DCC: variants seen among roughly 807,000 people sequenced by gnomAD.
The protein encoded by DCC is DCC netrin 1 receptor, also known as netrin receptor DCC.
In DCC, 58 loss-of-function variants were observed where a neutral mutation model predicts 172.5. The ratio of observed to expected loss-of-function variants is 0.34; its 90% CI spans 0.27 to 0.42. The LOEUF (loss-of-function observed/expected upper bound fraction) is 0.42, where lower values mean the gene tolerates loss of function less well. DCC is among the 10% of genes least tolerant of loss of function. The pLI is 1.00. For synonymous variants in DCC, 709 were observed against 644.5 expected (o/e 1.10, Z -1.52); for missense variants, 1,740 against 1,791.0 (o/e 0.97, Z 0.51).
At chr18:53,147,507 T>G (rs1175460084) in intron 7 of DCC, among the ~76,000 whole-genome samples, 1 of 152,244 alleles carries the variant, frequency 6.6e-6, no homozygotes, top group African/African-American at 2.4e-5. Context: ...CCTCTTTTAT[T>G]TGCTTCATTT....
intron 5 of DCC, among the ~76,000 whole-genome samples, chr18:52,974,744 A>G (rs2041089152): frequency 6.6e-6 from 1 of 152,212 alleles, no homozygotes; most frequent in African/African-American, 2.4e-5. Flanking sequence ...TTTTAAAACA[A>G]AACCAAGAGA....
intron 1 of DCC, among the ~76,000 whole-genome samples, chr18:52,572,182 A>AC (rs1269505742): frequency 2.6e-5 from 4 of 152,146 alleles, no homozygotes; most frequent in Admixed American, 6.5e-5. Context: ...TTTTGCAGAC[A>AC]CCCAGCGCCT....
intron 2 of DCC, among the ~76,000 whole-genome samples, chr18:52,781,514 A>G (rs1465127239): frequency 6.6e-6 from 1 of 152,170 alleles, no homozygotes; most frequent in Non-Finnish European, 1.5e-5. Context: ...GGAGTTTCTC[A>G]CTTAGAGGAG....
At chr18:53,325,787 C>T (rs144110235) in intron 14 of DCC, among the ~76,000 whole-genome samples, 434 of 152,146 alleles carry the variant, frequency 2.9e-3, no homozygotes, top group African/African-American at 9.9e-3. Flanking sequence ...AAGAATTTAC[C>T]GTGTGCTGAA....
intron 1 of DCC, among the ~76,000 whole-genome samples, chr18:52,558,601 G>A (rs762895736): frequency 5.3e-5 from 8 of 152,074 alleles, no homozygotes; most frequent in Non-Finnish European, 1.2e-4. Context: ...CTAGAAACTT[G>A]GTGAGGTCAG....
intron 7 of DCC, among the ~76,000 whole-genome samples, chr18:53,078,547 T>C (rs927613028): frequency 6.6e-6 from 1 of 152,122 alleles, no homozygotes; most frequent in Non-Finnish European, 1.5e-5. Flanking sequence ...CCTTCACTTA[T>C]TGTTCTATTT....
chr18:52,772,355 T>C (rs1160308900), intron 2 of DCC, among the ~76,000 whole-genome samples: 2 of 152,254 alleles, frequency 1.3e-5, no homozygotes, highest in African/African-American at 2.4e-5. Flanking sequence ...ACCAGCAATT[T>C]ATTTTTCAGA....
intron 5 of DCC, among the ~76,000 whole-genome samples, chr18:53,015,456 A>G (rs1021479918): frequency 1.3e-5 from 2 of 152,136 alleles, no homozygotes; most frequent in African/African-American, 4.8e-5. Flanking sequence ...ATGTAGACTA[A>G]CCTTCAGTTG....
intron 1 of DCC, among the ~76,000 whole-genome samples, chr18:52,717,300 A>G (rs2036398372): frequency 6.6e-6 from 1 of 152,152 alleles, no homozygotes; most frequent in South Asian, 2.1e-4. Context: ...AACCTTTAAA[A>G]CAGCATGCAT....
At chr18:53,302,894 C>T (rs1249903950) in intron 12 of DCC, among the ~76,000 whole-genome samples, 1 of 152,156 alleles carries the variant, frequency 6.6e-6, no homozygotes, top group Non-Finnish European at 1.5e-5. Flanking sequence ...TGGATCCCCT[C>T]CCCACTCTCC....
At chr18:53,389,695 C>T (rs568168317) in intron 16 of DCC, among the ~76,000 whole-genome samples, 43 of 152,216 alleles carry the variant, frequency 2.8e-4, no homozygotes, top group African/African-American at 9.9e-4. Flanking sequence ...GTAAGTCCAT[C>T]AAGAAATACC....
intron 2 of DCC, among the ~76,000 whole-genome samples, chr18:52,773,842 A>T (rs8082917): frequency 0.029 from 4,403 of 151,664 alleles, 219 homozygotes; most frequent in African/African-American, 0.1. Context: ...ATATATATAT[A>T]TTTTTTAAAG....
intron 1 of DCC, among the ~76,000 whole-genome samples, chr18:52,728,444 C>T (rs113277679): frequency 3.9e-5 from 6 of 152,086 alleles, no homozygotes; most frequent in Non-Finnish European, 7.4e-5. Flanking sequence ...AGTAGTTTGC[C>T]TTTCTTCTCC....
chr18:53,188,073 T>G (rs1414344077), intron 9 of DCC, among the ~76,000 whole-genome samples: 6 of 152,320 alleles, frequency 3.9e-5, no homozygotes, highest in Non-Finnish European at 5.9e-5. Context: ...TAATTGGTGT[T>G]ATAAATTATA....
chr18:53,516,035 C>T (rs1370139696), intron 27 of DCC, among the ~76,000 whole-genome samples: 141 of 147,172 alleles, frequency 9.6e-4, no homozygotes, highest in African/African-American at 3.6e-3. Flanking sequence ...CATCACACTA[C>T]CTGACTTCAA....
intron 1 of DCC, among the ~76,000 whole-genome samples, chr18:52,359,586 G>A (rs1489747388): frequency 6.6e-6 from 1 of 152,050 alleles, no homozygotes; most frequent in Non-Finnish European, 1.5e-5. Context: ...TAGGAGTGAG[G>A]CCTGAAATTG....
intron 25 of DCC, among the ~76,000 whole-genome samples, chr18:53,469,233 C>T (rs1005542159): frequency 1.3e-5 from 2 of 152,076 alleles, no homozygotes; most frequent in East Asian, 1.9e-4. Context: ...CCATCTTACT[C>T]GCCTGAAAAA....
At chr18:52,722,436 T>C (rs1280462413) in intron 1 of DCC, among the ~76,000 whole-genome samples, 1 of 152,180 alleles carries the variant, frequency 6.6e-6, no homozygotes, top group African/African-American at 2.4e-5. Flanking sequence ...TTAATTTGTT[T>C]AGATCAATAT....
chr18:52,771,751 T>C (rs1324466585), intron 2 of DCC, among the ~76,000 whole-genome samples: 1 of 152,142 alleles, frequency 6.6e-6, no homozygotes, highest in Non-Finnish European at 1.5e-5. Flanking sequence ...AAATGTTTTT[T>C]GTTTGTTTGC....
Sources: gnomAD v4.1 joint callset for allele counts (sites outside exome capture counted in the v4.1 genomes callset) on GRCh38, gnomAD v4.1.1 for gene constraint, MANE v1.5 for transcripts, NCBI Gene and HGNC (gene_info 2026-07-23, HGNC 2026-07-21) for gene names.